Variants in SCHIP1 observed in about 807,000 individuals in gnomAD.
SCHIP1 encodes the protein schwannomin-interacting protein 1.
In SCHIP1, 8 loss-of-function variants were observed where a neutral mutation model predicts 29.7. The observed-to-expected ratio is 0.27, with a 90% CI of 0.16 to 0.49. The LOEUF is 0.49. Ranked by LOEUF, SCHIP1 falls within the 20% of genes least tolerant of loss-of-function variation. The pLI, the probability that SCHIP1 is intolerant of heterozygous loss-of-function variation, is 0.99. For synonymous variants in SCHIP1, 76 were observed against 94.9 expected (o/e 0.80, Z 1.16); for missense variants, 193 against 294.6 (o/e 0.66, Z 2.52).
the SCHIP1 span, among the ~76,000 whole-genome samples, chr3:159,694,097 T>C: frequency 2.6e-5 from 4 of 152,226 alleles, no homozygotes; most frequent in African/African-American, 7.2e-5. Flanking sequence ...GTTTCCTTCT[T>C]ACCATATCAT....
chr3:159,491,598 A>G, the SCHIP1 span, among the ~76,000 whole-genome samples: 4 of 152,238 alleles, frequency 2.6e-5, no homozygotes, highest in Non-Finnish European at 5.9e-5. Flanking sequence ...AGTTAAACAA[A>G]GTGGCCTGGA....
At chr3:159,508,370 T>A in the SCHIP1 span, among the ~76,000 whole-genome samples, 75 of 152,156 alleles carry the variant, frequency 4.9e-4, no homozygotes, top group African/African-American at 1.6e-3. Context: ...CTTCTTTATT[T>A]GTCTTGCTAG....
the SCHIP1 span, among the ~76,000 whole-genome samples, chr3:159,713,159 A>G: frequency 6.6e-6 from 1 of 151,388 alleles, no homozygotes; most frequent in Non-Finnish European, 1.5e-5. Flanking sequence ...CCATCAAAAA[A>G]AAAAAAGAAG....
the SCHIP1 span, among the ~76,000 whole-genome samples, chr3:159,541,368 C>A: frequency 6.6e-6 from 1 of 151,982 alleles, no homozygotes; most frequent in African/African-American, 2.4e-5. Context: ...AAAAAGGGAG[C>A]TTTTTATGGG....
At chr3:159,702,488 T>G in the SCHIP1 span, among the ~76,000 whole-genome samples, 3 of 152,232 alleles carry the variant, frequency 2.0e-5, no homozygotes, top group Non-Finnish European at 4.4e-5. Context: ...CACTTTCCTA[T>G]GTAAATTAAG....
the SCHIP1 span, among the ~76,000 whole-genome samples, chr3:159,340,974 G>A: frequency 3.3e-5 from 5 of 152,230 alleles, no homozygotes; most frequent in African/African-American, 1.2e-4. Context: ...ATATTTTGAG[G>A]ATATGATCAA....
the SCHIP1 span, among the ~76,000 whole-genome samples, chr3:159,395,156 G>A: frequency 0.033 from 4,948 of 152,054 alleles, 113 homozygotes; most frequent in Non-Finnish European, 0.053. Context: ...CTGTGGGATC[G>A]GTGGTGATAT....
the SCHIP1 span, among the ~76,000 whole-genome samples, chr3:159,513,030 C>G: frequency 6.6e-6 from 1 of 152,192 alleles, no homozygotes; most frequent in African/African-American, 2.4e-5. Flanking sequence ...AATTGGATAA[C>G]TCTCAAAAAT....
At chr3:159,804,508 T>C in the SCHIP1 span, among the ~76,000 whole-genome samples, 1 of 152,246 alleles carries the variant, frequency 6.6e-6, no homozygotes, top group African/African-American at 2.4e-5. Flanking sequence ...CAGTTTTTCT[T>C]CCCCAGTTAA....
At chr3:159,843,549 G>A (rs918226384) in intron 1 of SCHIP1, among the ~76,000 whole-genome samples, 5 of 151,984 alleles carry the variant, frequency 3.3e-5, no homozygotes, top group East Asian at 3.9e-4. Flanking sequence ...GGCAGGGCGT[G>A]GTGGCTCACG....
At chr3:159,632,397 G>A in the SCHIP1 span, among the ~76,000 whole-genome samples, 2 of 152,184 alleles carry the variant, frequency 1.3e-5, no homozygotes, top group Admixed American at 6.5e-5. Flanking sequence ...CCACTGAATA[G>A]GAGGTGGGAT....
the SCHIP1 span, chr3:159,765,286 C>G: frequency 1.1e-6 from 1 of 919,766 alleles, no homozygotes; most frequent in South Asian, 1.8e-5. Context: ...AGCCTGCCGT[C>G]TGCTCCCCTG....
the SCHIP1 span, among the ~76,000 whole-genome samples, chr3:159,714,760 G>C: frequency 6.6e-6 from 1 of 152,226 alleles, no homozygotes; most frequent in Non-Finnish European, 1.5e-5. Context: ...CTCGAACTGG[G>C]TGGAGCCCAC....
At chr3:159,840,104 GC>G (rs1269312260) in exon 1 of SCHIP1, 8 of 1,527,922 alleles carry the variant, frequency 5.2e-6, no homozygotes, top group Non-Finnish European at 7.0e-6. Context: ...CTCTCCGCCC[GC>G]CGGTGGATGC....
At chr3:159,696,135 T>C in the SCHIP1 span, among the ~76,000 whole-genome samples, 1 of 152,174 alleles carries the variant, frequency 6.6e-6, no homozygotes, top group Non-Finnish European at 1.5e-5. Flanking sequence ...TCCCCTTAGC[T>C]TTCAGAATAA....
the SCHIP1 span, among the ~76,000 whole-genome samples, chr3:159,480,915 G>C: frequency 6.6e-6 from 1 of 152,130 alleles, no homozygotes; most frequent in African/African-American, 2.4e-5. Context: ...GGAGATAGGG[G>C]TGGAGCTGTT....
intron 2 of SCHIP1, among the ~76,000 whole-genome samples, chr3:159,871,243 C>T (rs1009092279): frequency 2.0e-5 from 3 of 151,276 alleles, no homozygotes; most frequent in African/African-American, 7.3e-5. Context: ...GGCTAGTTGG[C>T]ATGCATCATC....
At chr3:159,726,492 T>C in the SCHIP1 span, among the ~76,000 whole-genome samples, 1,117 of 152,332 alleles carry the variant, frequency 7.3e-3, 5 homozygotes, top group South Asian at 0.02. Context: ...TGAATTCTTA[T>C]TGCCTTGCTC....
intron 1 of SCHIP1, among the ~76,000 whole-genome samples, chr3:159,864,748 G>T (rs930515421): frequency 6.6e-6 from 1 of 152,172 alleles, no homozygotes; most frequent in Admixed American, 6.5e-5. Flanking sequence ...AATGCAGCCT[G>T]TTGAAGCTGG....
Sources: gnomAD v4.1 joint callset for allele counts (sites outside exome capture counted in the v4.1 genomes callset) on GRCh38, gnomAD v4.1.1 for gene constraint, MANE v1.5 for transcripts, NCBI Gene and HGNC (gene_info 2026-07-23, HGNC 2026-07-21) for gene names.